The following MGAM variants were observed in gnomAD, a reference collection of about 807,000 sequenced individuals.
MGAM encodes the protein maltase-glucoamylase.
A neutral mutation model predicts 358.8 loss-of-function variants in MGAM; 253 were observed. The ratio of observed to expected loss-of-function variants is 0.71; its 90% confidence interval spans 0.64 to 0.78. The LOEUF (loss-of-function observed/expected upper bound fraction) is 0.78. Ranked by LOEUF, MGAM falls within the 30% of genes least tolerant of loss-of-function variation. MGAM has a pLI of 0.00. For synonymous variants in MGAM, 1,105 were observed against 1,227.1 expected (o/e 0.90, Z 2.08); for missense variants, 3,080 against 3,432.6 (o/e 0.90, Z 2.57).
upstream of MGAM, among the ~76,000 whole-genome samples, chr7:141,995,676 T>C (rs1554448478): frequency 3.3e-5 from 5 of 152,194 alleles, no homozygotes. Context: ...GAGTGGGTCA[T>C]GGGAGCTGGC....
chr7:142,088,802 A>T lies in MGAM; in HGVS notation c.6810+2085A>T, dbSNP rs1326742357. 2.7e-4 allele frequency among the ~76,000 whole-genome samples: 28 copies of T among 102,178 alleles called. 3 individuals are homozygous for T. Among genetic ancestry groups the T allele is most frequent in the South Asian group, 2.0e-3 (6 of 2,986 alleles). The allele number at this position is 102,178 out of a possible 152,430, so 67.0% of individuals were successfully genotyped here. The stretch of plus-strand genomic sequence containing the variant: ...CTATCTATCTATCTATCTATCTATC[A>T]TTCTATCCTATCTATGTACCATCTA... On this transcript the variant is annotated intron_variant, in intron 57 of 70. Coordinates refer to ENST00000475668, the MANE Select transcript of MGAM (RefSeq NM_001365693.1).
intron 57 of MGAM, among the ~76,000 whole-genome samples, chr7:142,088,510 A>G (rs1235207511): frequency 7.0e-6 from 1 of 143,680 alleles, no homozygotes; most frequent in Non-Finnish European, 1.6e-5. Context: ...CTATGTATCT[A>G]CCGATCAATG....
Position 142,032,822 on chromosome 7 carries a change from T to C in MGAM, c.1585-3T>C, listed in dbSNP as rs782252483. ...TTAATAGTTTTTGCTCTTTGTCTTG[T>C]AGGATATGAATGAAGTCTCCAACTT... On this transcript the variant is annotated splice_polypyrimidine_tract_variant and splice_region_variant and intron_variant, in intron 13 of 70. Transcript: ENST00000475668. 1.2e-6 allele frequency: 2 copies of C among 1,603,694 alleles called. No individual in the cohort carries two copies. Among genetic ancestry groups the C allele is most frequent in the African/African-American group, 2.7e-5 (2 of 74,628 alleles).
chr7:142,087,490 T>C (rs1005997452), intron 57 of MGAM, among the ~76,000 whole-genome samples: 2 of 146,388 alleles, frequency 1.4e-5, no homozygotes, highest in African/African-American at 2.4e-5. Flanking sequence ...CTATCAATTG[T>C]TGTGACAGTA....
chr7:142,064,570 C>G, intron 37 of MGAM, 48 bp downstream of exon 37: 1 of 1,549,118 alleles, frequency 6.5e-7, no homozygotes. Flanking sequence ...ATAGCGATTG[C>G]CAGTGACTGA....
chr7:142,022,249 G>A lies in MGAM; in HGVS notation c.711-19G>A. The stretch of plus-strand genomic sequence containing the variant: ...ACCCTGCTTGCTCACCCATCCTTGT[G>A]TTCTCCACCTGTGTCTAGGTTTGAC... On this transcript the variant is annotated intron_variant, in intron 6 of 70. Transcript: ENST00000475668. 1.3e-6 allele frequency: 2 copies of A among 1,588,040 alleles called. No individual in the cohort carries two copies. Among genetic ancestry groups the A allele is most frequent in the South Asian group, 1.1e-5 (1 of 87,850 alleles).
intron 64 of MGAM, 92 bp downstream of exon 64, chr7:142,095,805 T>A (rs1013154944): frequency 3.9e-6 from 6 of 1,558,138 alleles, no homozygotes; most frequent in Non-Finnish European, 5.2e-6. Flanking sequence ...AAGACATGAT[T>A]GCCTTTTGAC....
Position 142,094,538 on chromosome 7 carries a change from G to A in MGAM, c.7306+41G>A. On this transcript the variant is annotated intron_variant, in intron 61 of 70. Coordinates refer to ENST00000475668, the MANE Select transcript of MGAM (RefSeq NM_001365693.1). Reference sequence around the variant, plus strand: ...CCAGGGCCTGTGCCGGTAGGGCAGGGAGTTGGGATCCTTGGGGAAGAGGTG... The same window carrying A: ...CCAGGGCCTGTGCCGGTAGGGCAGGAAGTTGGGATCCTTGGGGAAGAGGTG... The A allele has an allele frequency of 1.3e-6, 2 of 1,556,332 alleles. 1 individual carries two copies. Among genetic ancestry groups the A allele is most frequent in the Non-Finnish European group, 1.8e-6 (2 of 1,132,748 alleles).
chr7:142,059,473 A>T lies in MGAM; in HGVS notation c.3821A>T (p.Asp1274Val). Residue 1274 changes from aspartate (D) to valine (V), a missense_variant and splice_region_variant, in exon 32 of 71, where the codon GAT becomes GTT. By Grantham distance (152) the Asp-to-Val change is radical. Coordinates refer to ENST00000475668, the MANE Select transcript of MGAM (RefSeq NM_001365693.1). ...DEMVAAQIPY[D>V]VQYSDIDYME... Reference sequence around the variant, plus strand: ...TCAGCTCCCCATGTCCTCCCGCAGGATGTGCAGTACTCAGACATCGACTAC... The same window carrying T: ...TCAGCTCCCCATGTCCTCCCGCAGGTTGTGCAGTACTCAGACATCGACTAC... The T allele has an allele frequency of 1.2e-6, 2 of 1,607,398 alleles. No individual in the cohort carries two copies. Among genetic ancestry groups the T allele is most frequent in the East Asian group, 2.2e-5 (1 of 44,838 alleles).
intron 68 of MGAM, 142 bp from the exon 69 acceptor site, chr7:142,102,488 C>A: frequency 1.3e-6 from 1 of 795,094 alleles, no homozygotes; most frequent in South Asian, 1.9e-5. Flanking sequence ...ATAGAACACT[C>A]AAAAGACAGA....
intron 44 of MGAM, 149 bp downstream of exon 44, chr7:142,071,267 T>C: frequency 9.3e-7 from 1 of 1,074,388 alleles, no homozygotes; most frequent in Non-Finnish European, 1.3e-6. Flanking sequence ...TGTGTGTTAA[T>C]CTTTTTCAGA....
intron 12 of MGAM, among the ~76,000 whole-genome samples, chr7:142,031,442 C>A (rs1807481742): frequency 6.6e-6 from 1 of 152,142 alleles, no homozygotes; most frequent in African/African-American, 2.4e-5. Context: ...TTAGACAATG[C>A]CTTTATCCAC....
chr7:142,105,746 C>T (rs1816809887), intron 70 of MGAM, 68 bp from the exon 71 acceptor site: 1 of 1,196,398 alleles, frequency 8.4e-7, no homozygotes, highest in Admixed American at 1.7e-5. Flanking sequence ...GATACTTGCA[C>T]CTGATTTATT....
chr7:142,097,516 C>T, intron 65 of MGAM, 77 bp from the exon 66 acceptor site: 2 of 1,409,784 alleles, frequency 1.4e-6, no homozygotes, highest in South Asian at 2.3e-5. Flanking sequence ...AATTATTTAA[C>T]CTCTTTCCTA....
Position 142,036,870 on chromosome 7 carries a change from C to T in MGAM, c.2124C>T (p.Ser708=), listed in dbSNP as rs782723544. ...SFGADSLLLN[S]SRHYLNIRYT... The stretch of plus-strand genomic sequence containing the variant: ...GAGCTGACTCCCTGCTGTTGAATTC[C>T]TCCAGGCACTACCTTAACATCCGCT... Residue 708 remains serine, a synonymous_variant, in exon 18 of 71, where the codon TCC becomes TCT. Transcript: ENST00000475668. The T allele has an allele frequency of 2.5e-6, 4 of 1,613,658 alleles. No individual in the cohort carries two copies. The highest frequency in any genetic ancestry group is 1.1e-5 in the South Asian group (1 of 91,060).
At chr7:142,087,727 A>G (rs943410834) in intron 57 of MGAM, among the ~76,000 whole-genome samples, 1 of 146,686 alleles carries the variant, frequency 6.8e-6, no homozygotes, top group Non-Finnish European at 1.5e-5. Context: ...TGACTTGTGC[A>G]GTCAGCAATG....
At chr7:142,025,180 C>T in intron 8 of MGAM, 31 bp downstream of exon 8, 1 of 1,504,744 alleles carries the variant, frequency 6.6e-7, no homozygotes, top group Non-Finnish European at 9.2e-7. Context: ...AAAACAAGCA[C>T]AAGAGTGATT....
At chr7:141,997,366 G>C (rs772190902) in intron 1 of MGAM, among the ~76,000 whole-genome samples, 8 of 152,240 alleles carry the variant, frequency 5.3e-5, no homozygotes, top group Admixed American at 4.6e-4. Flanking sequence ...TGCTACCAGG[G>C]ACCAAATGAA....
chr7:142,081,168 A>G (rs1814231080), intron 50 of MGAM, among the ~76,000 whole-genome samples: 1 of 146,540 alleles, frequency 6.8e-6, no homozygotes, highest in Admixed American at 6.9e-5. Flanking sequence ...ACAAATGTTT[A>G]TGGGGTGCCT....
Sources: gnomAD v4.1 joint callset for allele counts (sites outside exome capture counted in the v4.1 genomes callset) on GRCh38, gnomAD v4.1.1 for gene constraint, MANE v1.5 for transcripts, NCBI Gene and HGNC (gene_info 2026-07-23, HGNC 2026-07-21) for gene names.